SART3: variants seen among roughly 807,000 people sequenced by gnomAD.
SART3 encodes the protein HIV-1 Tat-interacting protein of 110kDa.
A neutral mutation model predicts 122.3 loss-of-function variants in SART3; 44 were observed. The observed-to-expected ratio is 0.36, with a 90% confidence interval of 0.28 to 0.46. The LOEUF (loss-of-function observed/expected upper bound fraction) is 0.46. Ranked by LOEUF, SART3 falls within the 20% of genes least tolerant of loss-of-function variation. The pLI is 1.00. For missense variants in SART3, 1,101 were observed against 1,229.0 expected (o/e 0.90, Z 1.56); for synonymous variants, 442 against 454.0 (o/e 0.97, Z 0.34).
chr12:108,536,702 A>G lies in SART3; in HGVS notation c.1387+6T>C, dbSNP rs760207474. On this transcript the variant is annotated splice_donor_region_variant and intron_variant, in intron 10 of 18. Coordinates refer to ENST00000546815, the MANE Select transcript of SART3 (RefSeq NM_014706.4). Reference sequence around the variant, plus strand: ...TGGGCAAAACCACAGGCTGGGGCATACTTACGCTCTTCCACCTCCTGCTTC... The same window carrying G: ...TGGGCAAAACCACAGGCTGGGGCATGCTTACGCTCTTCCACCTCCTGCTTC... The G allele has an allele frequency of 2.5e-6, 4 of 1,613,962 alleles. No individual in the cohort carries two copies. In the South Asian group the frequency reaches 4.4e-5, roughly 18 times the overall value.
At chr12:108,558,477 C>A (rs2030325526) in intron 1 of SART3, among the ~76,000 whole-genome samples, 1 of 152,220 alleles carries the variant, frequency 6.6e-6, no homozygotes. Context: ...GCAGGACAGG[C>A]AACTGCAGAG....
intron 5 of SART3, 37 bp downstream of exon 5, chr12:108,544,388 CCA>C (rs760822064): frequency 1.3e-6 from 2 of 1,568,514 alleles, no homozygotes; most frequent in Non-Finnish European, 1.8e-6. Context: ...ATTTTAAAAA[CCA>C]TAGAGGGCTG....
chr12:108,523,743 G>GAAA (rs34982944), intron 18 of SART3, 109 bp from the exon 19 acceptor site: 102 of 711,556 alleles, frequency 1.4e-4, no homozygotes, highest in Non-Finnish European at 1.8e-4. Flanking sequence ...GTTAAAAGGT[G>GAAA]AAAAAAAAAA....
intron 9 of SART3, 83 bp from the exon 10 acceptor site, chr12:108,536,868 G>A: frequency 8.0e-7 from 1 of 1,257,368 alleles, no homozygotes. Context: ...GAAACTGCCT[G>A]GAGACCCACT....
Position 108,549,073 on chromosome 12 carries a change from A to C in SART3, c.439+15T>G, listed in dbSNP as rs754255942. ...TGTTTCTGTTTCTAAAAGCAGCCTGACTGCTGAAGCTTACCTTCAGTCAAG... is the reference window on the plus strand; with the variant it reads ...TGTTTCTGTTTCTAAAAGCAGCCTGCCTGCTGAAGCTTACCTTCAGTCAAG... On this transcript the variant is annotated intron_variant, in intron 2 of 18. Coordinates refer to ENST00000546815, the MANE Select transcript of SART3 (RefSeq NM_014706.4). 22 of 1,613,860 alleles carry C rather than the reference A, an allele frequency of 1.4e-5. No individual in the cohort carries two copies. Among genetic ancestry groups the C allele is most frequent in the Admixed American group, 3.3e-5 (2 of 59,996 alleles).
Position 108,526,117 on chromosome 12 carries a change from G to A in SART3, c.2352C>T (p.Ser784=). 1 of 1,613,960 alleles carries A rather than the reference G, an allele frequency of 6.2e-7. No homozygotes were observed. The highest frequency in any genetic ancestry group is 8.5e-7 in the Non-Finnish European group (1 of 1,179,890). ...PMFVSPCVDK[S]KNPDFKVFRY... ...AACCTACCTTAAAATCGGGGTTTTT[G>A]CTCTTATCCACACAGGGGGAAACAA... The change falls in exon 16 of 19, where the codon AGC becomes AGT. Residue 784 remains serine (S), a synonymous_variant. Coordinates refer to ENST00000546815, the MANE Select transcript of SART3 (RefSeq NM_014706.4).
rs746105160 is a variant in SART3, at chr12:108,549,161, G to A, written c.366C>T (p.Leu122=). The A allele has an allele frequency of 2.5e-6, 4 of 1,614,160 alleles. No homozygotes were observed. The highest frequency in any genetic ancestry group is 3.4e-6 in the Non-Finnish European group (4 of 1,180,000). Reference sequence around the variant, plus strand: ...CCTTGGTAAGCTCCCCTTCCAGCCTGAGCAGTCTGATCAAGTCCACATGGC... The same window carrying A: ...CCTTGGTAAGCTCCCCTTCCAGCCTAAGCAGTCTGATCAAGTCCACATGGC... ...YNCHVDLIRL[L]RLEGELTKVR... The change falls in exon 2 of 19, where the codon CTC becomes CTT. Residue 122 remains leucine, a synonymous_variant. Coordinates refer to ENST00000546815, the MANE Select transcript of SART3 (RefSeq NM_014706.4).
intron 1 of SART3, 50 bp from the exon 2 acceptor site, chr12:108,549,264 C>T (rs1343218868): frequency 1.9e-6 from 3 of 1,604,492 alleles, no homozygotes; most frequent in Non-Finnish European, 2.6e-6. Context: ...CATCAAGTAA[C>T]TTAGCTTTTG....
At chr12:108,530,542 C>G (rs748536810) in intron 14 of SART3, among the ~76,000 whole-genome samples, 2 of 152,122 alleles carry the variant, frequency 1.3e-5, no homozygotes, top group African/African-American at 2.4e-5. Flanking sequence ...AATCATTACT[C>G]ACCAAAAGGA....
chr12:108,536,318 C>T (rs567284716), intron 11 of SART3, among the ~76,000 whole-genome samples, 196 bp downstream of exon 11: 10 of 152,336 alleles, frequency 6.6e-5, no homozygotes, highest in Admixed American at 3.3e-4. Context: ...TTTTCACCAA[C>T]ATATTTACAA....
rs1005639775 is a variant in SART3 at position 108,533,465 on chromosome 12, C to T, written c.1557-1131G>A. 5.4e-5 allele frequency among the ~76,000 whole-genome samples: 8 copies of T among 149,450 alleles called. No homozygotes were observed. The East Asian group carries it at 9.9e-4, about 18-fold the overall frequency. ...ATTTTTTTCAAGGACACCATTTTTA[C>T]TTGAAAGGAAACTTGAGTGACAAAC... On this transcript the variant is annotated intron_variant, in intron 12 of 18. Coordinates refer to ENST00000546815, the MANE Select transcript of SART3 (RefSeq NM_014706.4).
At position 108,532,303 on chromosome 12, in the gene SART3, C is replaced by A; in HGVS notation, c.1588G>T (p.Ala530Ser). ...AHGDTQHCRKALHRAVQCTSD... is the reference protein window; with the variant it reads ...AHGDTQHCRKSLHRAVQCTSD... ...GTGCACTGGACGGCCCGGTGCAGAG[C>A]CTTCCGGCAGTGCTGGGTGTCACCA... The change falls in exon 13 of 19, where the codon GCT becomes TCT. Residue 530 changes from alanine to serine, a missense_variant. This residue lies in a region of SART3 where 885 missense variants were observed against 1,080.1 expected (regional missense o/e 0.82). Coordinates refer to ENST00000546815, the MANE Select transcript of SART3 (RefSeq NM_014706.4). 1 of 1,614,068 alleles carries A rather than the reference C, an allele frequency of 6.2e-7. No homozygotes were observed. Among genetic ancestry groups the A allele is most frequent in the Non-Finnish European group, 8.5e-7 (1 of 1,179,996 alleles).
intron 4 of SART3, chr12:108,544,792 T>C (rs994158938): frequency 1.9e-5 from 11 of 572,290 alleles, no homozygotes; most frequent in Admixed American, 9.1e-5. Context: ...CTTGTACTCC[T>C]GAACTCAAGT....
intron 1 of SART3, 117 bp downstream of exon 1, chr12:108,560,726 G>A (rs1160332): frequency 0.81 from 678,645 of 833,344 alleles, 280,412 homozygotes; most frequent in East Asian, 0.93. Context: ...GTCACGAAAA[G>A]CGGGTTTGCA....
At chr12:108,526,961 G>A (rs1376810166) in intron 15 of SART3, among the ~76,000 whole-genome samples, 1 of 152,174 alleles carries the variant, frequency 6.6e-6, no homozygotes, top group Non-Finnish European at 1.5e-5. Flanking sequence ...GTGCCCCAGG[G>A]AGCACATTTT....
rs1592768696 is a variant in SART3 at position 108,544,852 on chromosome 12, A to G, written c.729+287T>C. ...ACTGCTGGAATTACAAGCATGAGCC[A>G]CCGCACTTGGCCAACTCTGGTTCTT... On this transcript the variant is annotated intron_variant, in intron 4 of 18. Transcript: ENST00000546815. The G allele has an allele frequency of 3.7e-5, 21 of 573,342 alleles. No individual in the cohort carries two copies. The East Asian group carries it at 6.4e-4, about 17-fold the overall frequency. The allele number at this position is 573,342 out of a possible 1,614,324, so 35.5% of individuals were successfully genotyped here.
In SART3 at chr12:108,523,331, G is replaced by A. The variant is rs538956625; in HGVS notation, c.*126C>T. The A allele has an allele frequency of 3.5e-4, 347 of 981,956 alleles. 2 individuals carry two copies. The Middle Eastern group carries it at 4.4e-3, about 12-fold the overall frequency. The allele number at this position is 981,956 out of a possible 1,614,324, so 60.8% of individuals were successfully genotyped here. On this transcript the variant is annotated 3_prime_UTR_variant, in exon 19 of 19. Transcript: ENST00000546815. ...CCCCTTCCCCTTTCTGTCTAAAGCC[G>A]AGGAGCCATCTGTGGTTGCGAGCAC...
rs531634983 is a variant in SART3, at chr12:108,536,708, G to C, written c.1387C>G (p.Arg463Gly). The C allele has an allele frequency of 1.2e-6, 2 of 1,613,864 alleles. No homozygotes were observed. The highest frequency in any genetic ancestry group is 1.1e-5 in the South Asian group (1 of 91,070). ...AAACCACAGGCTGGGGCATACTTAC[G>C]CTCTTCCACCTCCTGCTTCAGATAC... ...LEYLKQEVEERFNESGDPSCV... is the reference protein window; with the variant it reads ...LEYLKQEVEEGFNESGDPSCV... The change falls in exon 10 of 19, where the codon CGT becomes GGT. Residue 463 changes from arginine (R) to glycine (G), a missense_variant and splice_region_variant. Transcript: ENST00000546815.
rs1872325854 is a variant in SART3 at position 108,525,460 on chromosome 12, T to C, written c.2520A>G (p.Pro840=). Residue 840 remains proline (P), a synonymous_variant, in exon 17 of 19, where the codon CCA becomes CCG. Coordinates refer to ENST00000546815, the MANE Select transcript of SART3 (RefSeq NM_014706.4). ...LRLVTNRAGK[P]KGLAYVEYEN... is the part of the protein sequence containing the mutation. ...CACAATCTGCTCTGACTCTGACCTT[T>C]GGTTTGCCAGCCCGGTTGGTGACCA... The C allele has an allele frequency of 1.9e-6, 3 of 1,614,058 alleles. No individual in the cohort carries two copies. In the African/African-American group the frequency reaches 4.0e-5, roughly 22 times the overall value.
Sources: gnomAD v4.1 joint callset for allele counts (sites outside exome capture counted in the v4.1 genomes callset) on GRCh38, gnomAD v4.1.1 for gene constraint, gnomAD v4.1.1 regional missense constraint, MANE v1.5 for transcripts, NCBI Gene and HGNC (gene_info 2026-07-23, HGNC 2026-07-21) for gene names.